The following DPYD variants were observed in gnomAD, a reference collection of about 807,000 sequenced individuals.
DPYD encodes dihydropyrimidine dehydrogenase, also known as dihydropyrimidine dehydrogenase [NADP(+)].
DPYD carries 109 observed loss-of-function variants against 116.2 expected under a neutral mutation model. The observed-to-expected ratio is 0.94, with a 90% CI of 0.80 to 1.10. The LOEUF is 1.10. Among genes scored for constraint, DPYD ranks in the 50% least tolerant of loss-of-function variants. The probability of loss-of-function intolerance (pLI) is 0.00; values close to 1 mark genes in which losing one functional copy is unlikely to be tolerated. For missense variants in DPYD, 1,302 were observed against 1,254.5 expected, an observed-to-expected ratio of 1.04 and a Z score of -0.57; for synonymous variants, 440 against 432.0, an observed-to-expected ratio of 1.02 and a Z score of -0.23.
chr1:97,370,387 G>T (rs1164668368), intron 16 of DPYD, among the ~76,000 whole-genome samples: 1 of 152,064 alleles, frequency 6.6e-6, no homozygotes, highest in Non-Finnish European at 1.5e-5. Context: ...ACACAGGGAG[G>T]GAAACATCAT....
At chr1:97,843,525 G>C (rs1157642501) in intron 2 of DPYD, among the ~76,000 whole-genome samples, 1 of 152,112 alleles carries the variant, frequency 6.6e-6, no homozygotes, top group Non-Finnish European at 1.5e-5. Flanking sequence ...TTGACTGTGT[G>C]AGAAATTTTA....
At chr1:97,842,616 A>G (rs1670091559) in intron 2 of DPYD, among the ~76,000 whole-genome samples, 1 of 152,064 alleles carries the variant, frequency 6.6e-6, no homozygotes, top group Non-Finnish European at 1.5e-5. Context: ...ATTAATTATT[A>G]TAACTAACAT....
chr1:97,733,583 T>C (rs986522483), intron 4 of DPYD, among the ~76,000 whole-genome samples: 16 of 152,042 alleles, frequency 1.1e-4, no homozygotes, highest in African/African-American at 3.4e-4. Flanking sequence ...AATATAAATA[T>C]AGCCTAATAG....
intron 4 of DPYD, among the ~76,000 whole-genome samples, chr1:97,725,785 A>T (rs1000564209): frequency 6.6e-6 from 1 of 151,706 alleles, no homozygotes; most frequent in Admixed American, 6.6e-5. Flanking sequence ...ACCAAACAAA[A>T]AAATGAACTA....
intron 10 of DPYD, among the ~76,000 whole-genome samples, chr1:97,578,794 A>G (rs1340209088): frequency 5.3e-5 from 8 of 152,200 alleles, no homozygotes; most frequent in Non-Finnish European, 1.0e-4. Context: ...ATTTACAGGT[A>G]CTATAAAATC....
intron 18 of DPYD, among the ~76,000 whole-genome samples, chr1:97,242,028 A>G (rs1243152024): frequency 6.7e-6 from 1 of 149,056 alleles, no homozygotes; most frequent in Non-Finnish European, 1.5e-5. Flanking sequence ...AATTATGAAT[A>G]TTCATAGCTT....
At chr1:97,893,268 A>G (rs895093720) in intron 1 of DPYD, among the ~76,000 whole-genome samples, 1 of 151,266 alleles carries the variant, frequency 6.6e-6, no homozygotes, top group African/African-American at 2.4e-5. Context: ...ATCTCAGAGG[A>G]AACCAAATCA....
At chr1:97,614,747 T>C (rs184571031) in intron 8 of DPYD, among the ~76,000 whole-genome samples, 11 of 152,274 alleles carry the variant, frequency 7.2e-5, no homozygotes, top group Admixed American at 2.0e-4. Flanking sequence ...TTATTTAATG[T>C]TACAGGTTGA....
At chr1:97,103,572 C>A (rs1650914023) in intron 20 of DPYD, among the ~76,000 whole-genome samples, 1 of 152,070 alleles carries the variant, frequency 6.6e-6, no homozygotes. Context: ...TAAGCTACAA[C>A]TTTTGATCAA....
rs1462927444 is a variant in DPYD, at chr1:97,305,391, C to T, written c.2180-13G>A. 6.2e-7 allele frequency: 1 copy of T among 1,611,850 alleles called. No individual in the cohort carries two copies. Among genetic ancestry groups the T allele is most frequent in the Non-Finnish European group, 8.5e-7 (1 of 1,178,596 alleles). Reference sequence around the variant, plus strand: ...CCATTGGCACCACCTATGCAAGACACATCAACATTTTCATGCAGCTCTTAT... The same window carrying T: ...CCATTGGCACCACCTATGCAAGACATATCAACATTTTCATGCAGCTCTTAT... On this transcript the variant is annotated splice_polypyrimidine_tract_variant and intron_variant, in intron 17 of 22. Transcript: ENST00000370192.
chr1:97,156,598 A>G (rs1396768188), intron 20 of DPYD, among the ~76,000 whole-genome samples: 4 of 152,230 alleles, frequency 2.6e-5, no homozygotes, highest in African/African-American at 9.6e-5. Flanking sequence ...AATGGCAATC[A>G]TTAAAAAGTC....
Position 97,595,145 on chromosome 1 carries a change from T to C in DPYD, c.872A>G (p.Asp291Gly), listed in dbSNP as rs772320654. 1.9e-6 allele frequency: 3 copies of C among 1,613,660 alleles called. No individual in the cohort carries two copies. The highest frequency in any genetic ancestry group is 2.7e-5 in the African/African-American group (2 of 75,044). ...IGIGLPEPNKDAIFQGLTQDQ... is the reference protein window; with the variant it reads ...IGIGLPEPNKGAIFQGLTQDQ... ...CTGCGTCAGGCCTTGGAAGATGGCA[T>C]CTTTATTGGGTTCTGGCAAACCTAA... The change falls in exon 9 of 23, where the codon GAT (aspartate) becomes GGT (glycine). Residue 291 changes from aspartate to glycine, a missense_variant. Transcript: ENST00000370192.
At chr1:97,172,300 T>G (rs537774594) in intron 20 of DPYD, among the ~76,000 whole-genome samples, 1 of 152,312 alleles carries the variant, frequency 6.6e-6, no homozygotes, top group African/African-American at 2.4e-5. Flanking sequence ...TTTGTCATCC[T>G]TCAAGTAATA....
chr1:97,711,450 G>A (rs1030924145), intron 5 of DPYD, among the ~76,000 whole-genome samples: 4 of 151,912 alleles, frequency 2.6e-5, no homozygotes, highest in African/African-American at 7.2e-5. Flanking sequence ...AGGTGAATGA[G>A]TATTTGAAGT....
At chr1:97,594,790 T>C (rs1308914997) in intron 9 of DPYD, among the ~76,000 whole-genome samples, 1 of 152,168 alleles carries the variant, frequency 6.6e-6, no homozygotes, top group East Asian at 1.9e-4. Context: ...AAGGACTTGC[T>C]TACCTTGAAG....
intron 16 of DPYD, among the ~76,000 whole-genome samples, chr1:97,327,201 C>T (rs75653481): frequency 0.026 from 3,948 of 152,058 alleles, 166 homozygotes; most frequent in African/African-American, 0.091. Context: ...ATTAGCTTTA[C>T]GGTGCTTAAA....
chr1:97,104,730 G>A (rs945297921), intron 20 of DPYD, among the ~76,000 whole-genome samples: 13 of 152,186 alleles, frequency 8.5e-5, no homozygotes, highest in East Asian at 1.9e-4. Flanking sequence ...AAAAGGCACC[G>A]GGGAGCCAAT....
intron 13 of DPYD, among the ~76,000 whole-genome samples, chr1:97,514,939 T>C (rs1397790453): frequency 6.6e-6 from 1 of 151,962 alleles, no homozygotes; most frequent in African/African-American, 2.4e-5. Flanking sequence ...GATACTCTTT[T>C]CTTAGTCACT....
chr1:97,630,411 T>A (rs1657186310), intron 8 of DPYD, among the ~76,000 whole-genome samples: 1 of 152,018 alleles, frequency 6.6e-6, no homozygotes, highest in South Asian at 2.1e-4. Context: ...CCATGCCTTC[T>A]CTCTAATGCT....
Sources: gnomAD v4.1 joint callset for allele counts (sites outside exome capture counted in the v4.1 genomes callset) on GRCh38, gnomAD v4.1.1 for gene constraint, MANE v1.5 for transcripts, NCBI Gene and HGNC (gene_info 2026-07-23, HGNC 2026-07-21) for gene names.